Variants in LARGE1 observed in about 807,000 individuals in gnomAD.
LARGE1 encodes LARGE xylosyl- and glucuronyltransferase 1.
Under a neutral mutation model 87.6 loss-of-function variants are expected in LARGE1, and 43 were observed. The ratio of observed to expected loss-of-function variants is 0.49; its 90% CI spans 0.38 to 0.63. The LOEUF is 0.63. Ranked by LOEUF, LARGE1 falls within the 30% of genes least tolerant of loss-of-function variation. The pLI, the probability that LARGE1 is intolerant of heterozygous loss-of-function variation, is 0.00. For missense variants in LARGE1, 802 were observed against 1,000.2 expected, an observed-to-expected ratio of 0.80 and a Z score of 2.67; for synonymous variants, 434 against 394.6, an observed-to-expected ratio of 1.10 and a Z score of -1.18.
intron 1 of LARGE1, among the ~76,000 whole-genome samples, chr22:33,857,089 G>A (rs933768455): frequency 4.6e-5 from 7 of 152,090 alleles, no homozygotes; most frequent in Admixed American, 1.3e-4. Context: ...GCTAATTTTT[G>A]TATTTTTAGT....
intron 5 of LARGE1, among the ~76,000 whole-genome samples, chr22:33,584,944 C>T (rs772519243): frequency 2.0e-5 from 3 of 152,124 alleles, no homozygotes; most frequent in Non-Finnish European, 4.4e-5. Flanking sequence ...TGGTGAAACC[C>T]TGTCTCTACT....
At chr22:33,091,063 G>A in the LARGE1 span, among the ~76,000 whole-genome samples, 1 of 152,146 alleles carries the variant, frequency 6.6e-6, no homozygotes, top group Non-Finnish European at 1.5e-5. Flanking sequence ...CCTCATGACA[G>A]CCCTTCAAAT....
intron 1 of LARGE1, among the ~76,000 whole-genome samples, chr22:33,831,054 C>T (rs5999118): frequency 0.072 from 10,965 of 151,906 alleles, 446 homozygotes; most frequent in Middle Eastern, 0.096. Flanking sequence ...GTGGTGATGA[C>T]GATGATACTG....
At chr22:33,715,093 G>A (rs907612708) in intron 2 of LARGE1, among the ~76,000 whole-genome samples, 1 of 152,160 alleles carries the variant, frequency 6.6e-6, no homozygotes, top group African/African-American at 2.4e-5. Flanking sequence ...TGAGAAGCTT[G>A]GGCTAGAAAG....
At chr22:33,074,870 A>T in the LARGE1 span, among the ~76,000 whole-genome samples, 7 of 152,130 alleles carry the variant, frequency 4.6e-5, no homozygotes, top group African/African-American at 7.2e-5. Context: ...ACATTTACTG[A>T]GTTTTTATTC....
intron 1 of LARGE1, among the ~76,000 whole-genome samples, chr22:33,875,674 G>C (rs2064441146): frequency 6.6e-6 from 1 of 152,230 alleles, no homozygotes; most frequent in Non-Finnish European, 1.5e-5. Flanking sequence ...TGGCAGCACA[G>C]GGCATTTTCA....
intron 2 of LARGE1, among the ~76,000 whole-genome samples, chr22:33,721,096 T>C (rs1396018892): frequency 6.6e-6 from 1 of 152,192 alleles, no homozygotes; most frequent in Non-Finnish European, 1.5e-5. Context: ...TTCAACAGTG[T>C]GGTGTCAACT....
chr22:33,732,924 C>A (rs73170557), intron 2 of LARGE1: 8,288 of 152,428 alleles, frequency 0.054, 267 homozygotes, highest in Non-Finnish European at 0.081. Context: ...CACCCCCTCA[C>A]CTGTGGGCAG....
At chr22:33,295,390 GACT>G (rs1047994146) in intron 12 of LARGE1, among the ~76,000 whole-genome samples, 15 of 152,338 alleles carry the variant, frequency 9.8e-5, no homozygotes, top group Non-Finnish European at 1.5e-4. Flanking sequence ...GACTTTGGGA[GACT>G]ACGAGAAGCC....
At chr22:33,793,530 T>C (rs1185349558) in intron 1 of LARGE1, among the ~76,000 whole-genome samples, 1 of 152,170 alleles carries the variant, frequency 6.6e-6, no homozygotes, top group Non-Finnish European at 1.5e-5. Context: ...AAATGTCCAA[T>C]TCCCACTCCC....
chr22:33,889,609 G>C (rs2064951898), intron 1 of LARGE1, among the ~76,000 whole-genome samples: 3 of 152,142 alleles, frequency 2.0e-5, no homozygotes, highest in Admixed American at 2.0e-4. Context: ...TCCAACATGG[G>C]GAGGCAGGCT....
intron 7 of LARGE1, among the ~76,000 whole-genome samples, chr22:33,390,628 C>T (rs1480216943): frequency 2.0e-5 from 3 of 151,768 alleles, no homozygotes; most frequent in Admixed American, 2.0e-4. Flanking sequence ...CACAGCTGGG[C>T]CATAGGCAAG....
At chr22:33,468,828 C>A (rs2068717028) in intron 6 of LARGE1, among the ~76,000 whole-genome samples, 1 of 152,168 alleles carries the variant, frequency 6.6e-6, no homozygotes, top group South Asian at 2.1e-4. Context: ...CCCCAAAAGT[C>A]TCATGGAATC....
At chr22:33,723,819 C>G (rs898757134) in intron 2 of LARGE1, 1 of 152,186 alleles carries the variant, frequency 6.6e-6, no homozygotes, top group Non-Finnish European at 1.5e-5. Flanking sequence ...AAGGGCCCGG[C>G]TGGGCCACCA....
intron 6 of LARGE1, among the ~76,000 whole-genome samples, chr22:33,455,668 C>T (rs910318102): frequency 6.1e-5 from 9 of 146,764 alleles, no homozygotes; most frequent in East Asian, 2.1e-4. Context: ...GCAGGAGAAT[C>T]GCTTGAACCC....
At chr22:33,665,899 AAG>A (rs1192434175) in intron 2 of LARGE1, among the ~76,000 whole-genome samples, 1 of 578 alleles carries the variant, frequency 1.7e-3, no homozygotes, top group Non-Finnish European at 6.7e-3. Flanking sequence ...CTCAAGAAAA[AAG>A]AAAAAAAAAA....
chr22:33,709,215 A>G (rs1041643577), intron 2 of LARGE1, among the ~76,000 whole-genome samples: 9 of 152,136 alleles, frequency 5.9e-5, no homozygotes, highest in Non-Finnish European at 1.0e-4. Context: ...ACAGGAAGTA[A>G]GTGATTCTCA....
chr22:33,205,691 C>T (rs900900532), intron 11 of LARGE1, among the ~76,000 whole-genome samples: 2 of 152,198 alleles, frequency 1.3e-5, no homozygotes, highest in African/African-American at 2.4e-5. Flanking sequence ...GACATTTCAT[C>T]TCTAGCATAT....
At chr22:33,459,543 C>T (rs2068285429) in intron 6 of LARGE1, among the ~76,000 whole-genome samples, 1 of 151,520 alleles carries the variant, frequency 6.6e-6, no homozygotes, top group Non-Finnish European at 1.5e-5. Flanking sequence ...CTATAGAATC[C>T]TCCCTGCTAC....
Sources: allele counts gnomAD v4.1 joint callset (sites outside exome capture counted in the v4.1 genomes callset), GRCh38; gene constraint gnomAD v4.1.1; transcripts MANE v1.5; gene names NCBI Gene and HGNC (gene_info 2026-07-23, HGNC 2026-07-21).